The following U2SURP variants were observed in gnomAD, a reference collection of about 807,000 sequenced individuals.
The protein encoded by U2SURP is U2 snRNP-associated SURP motif-containing protein.
In U2SURP, 9 loss-of-function variants were observed where a neutral mutation model predicts 144.9. That is an observed-to-expected ratio of 0.06 (90% confidence interval 0.04 to 0.11). U2SURP has a LOEUF of 0.11. Among genes scored for constraint, U2SURP ranks in the 10% least tolerant of loss-of-function variants. The pLI is 1.00. For synonymous variants in U2SURP, 408 were observed against 396.8 expected, an observed-to-expected ratio of 1.03 and a Z score of -0.33; for missense variants, 724 against 1,226.7, an observed-to-expected ratio of 0.59 and a Z score of 6.12.
chr3:143,016,448 G>A, intron 5 of U2SURP, 77 bp downstream of exon 5: 4 of 1,247,034 alleles, frequency 3.2e-6, no homozygotes, highest in Non-Finnish European at 4.6e-6. Context: ...TTGGTTGAAT[G>A]ACTGCAGGTA....
chr3:143,047,886 C>CA (rs1422659129), intron 24 of U2SURP, among the ~76,000 whole-genome samples: 3 of 151,136 alleles, frequency 2.0e-5, no homozygotes, highest in African/African-American at 4.9e-5. Context: ...GGGCTGACCC[C>CA]CCCCAACCTC....
At chr3:143,054,522 A>G (rs1935049469) in intron 26 of U2SURP, among the ~76,000 whole-genome samples, 1 of 152,158 alleles carries the variant, frequency 6.6e-6, no homozygotes, top group Non-Finnish European at 1.5e-5. Flanking sequence ...GTTACCCTTC[A>G]CCCACATTAC....
At chr3:143,014,118 CT>C (rs762343490) in intron 3 of U2SURP, among the ~76,000 whole-genome samples, 192 bp from the exon 4 acceptor site, 8 of 151,046 alleles carry the variant, frequency 5.3e-5, no homozygotes, top group Non-Finnish European at 1.2e-4. Context: ...TGAAGACATT[CT>C]TTGATGAATA....
Position 143,057,481 on chromosome 3 carries a change from T to A in U2SURP, c.*1031T>A, listed in dbSNP as rs977681012. On this transcript the variant is annotated 3_prime_UTR_variant, in exon 28 of 28. Transcript: ENST00000473835. ...ATAAAATGTTTTTCAGGAAACTTCGTATCTAATGGTTTGTAAATTCAAGGT... is the reference window on the plus strand; with the variant it reads ...ATAAAATGTTTTTCAGGAAACTTCGAATCTAATGGTTTGTAAATTCAAGGT... 6.6e-6 allele frequency: 1 copy of A among 152,298 alleles called. No individual in the cohort carries two copies. The highest frequency in any genetic ancestry group is 1.5e-5 in the Non-Finnish European group (1 of 67,860). The allele number at this position is 152,298 out of a possible 1,614,324, so 9.4% of individuals were successfully genotyped here. A position where few individuals can be genotyped will look rare whatever the true frequency, so the allele number is the denominator to read the frequency against.
intron 23 of U2SURP, among the ~76,000 whole-genome samples, chr3:143,041,611 A>G (rs1401501465): frequency 1.3e-5 from 2 of 152,016 alleles, no homozygotes; most frequent in Non-Finnish European, 2.9e-5. Flanking sequence ...CTTTCTTTTT[A>G]TCTGCCTGGT....
chr3:143,016,387 A>G lies in U2SURP; in HGVS notation c.436+16A>G, dbSNP rs368247052. 2.6e-5 allele frequency: 41 copies of G among 1,597,618 alleles called. No individual in the cohort carries two copies. The highest frequency in any genetic ancestry group is 3.4e-5 in the Non-Finnish European group (40 of 1,166,516). The stretch of plus-strand genomic sequence containing the variant: ...GCAGCTAAAGGTAAGTTTATAAAGT[A>G]TAACTGCTAATAAAGCATAACTGTA... On this transcript the variant is annotated intron_variant, in intron 5 of 27. Transcript: ENST00000473835.
chr3:143,024,918 C>A (rs1933041625), intron 13 of U2SURP, among the ~76,000 whole-genome samples: 1 of 151,192 alleles, frequency 6.6e-6, no homozygotes, highest in African/African-American at 2.4e-5. Flanking sequence ...TTATTGTTGC[C>A]CAGAATAAGA....
In U2SURP at chr3:143,059,697, CTG is replaced by C. The variant is rs1935298678; in HGVS notation, c.*3249_*3250del. On this transcript the variant is annotated 3_prime_UTR_variant, in exon 28 of 28. Transcript: ENST00000473835. ...AATAAATAGTACCACTTTTCTAAGA[CTG>C]TACAGTTTACAAATAAGGTTTTTTT... 1 of 151,854 alleles carries C rather than the reference CTG, an allele frequency of 6.6e-6. No individual in the cohort carries two copies. The highest frequency in any genetic ancestry group is 2.1e-4 in the South Asian group (1 of 4,828). 9.4% of individuals were successfully genotyped at this position (151,854 alleles called of 1,614,324 possible). A position where few individuals can be genotyped will look rare whatever the true frequency, so the allele number is the denominator to read the frequency against.
At chr3:143,042,826 G>T (rs1425245465) in intron 23 of U2SURP, among the ~76,000 whole-genome samples, 1 of 152,150 alleles carries the variant, frequency 6.6e-6, no homozygotes, top group Non-Finnish European at 1.5e-5. Flanking sequence ...CTGCTGCAAG[G>T]AAAGTTTGTT....
intron 23 of U2SURP, among the ~76,000 whole-genome samples, chr3:143,042,166 G>C (rs984118070): frequency 8.5e-5 from 13 of 152,068 alleles, no homozygotes; most frequent in Non-Finnish European, 1.9e-4. Flanking sequence ...TGTATCCTAA[G>C]TGACTTACTC....
chr3:143,020,332 T>G (rs1232892736), intron 7 of U2SURP, among the ~76,000 whole-genome samples: 1 of 152,172 alleles, frequency 6.6e-6, no homozygotes, highest in Non-Finnish European at 1.5e-5. Context: ...GCAGTTAGAC[T>G]TAGCAAGAAA....
In U2SURP at chr3:143,001,606, C is replaced by T; in HGVS notation, c.-23C>T. On this transcript the variant is annotated 5_prime_UTR_variant, in exon 1 of 28. Transcript: ENST00000473835. ...CGACTCGCCCGTGCTGCTGCCGCCGCCGAAGGAGGGGCAAAGCTCAAGATG... is the reference window on the plus strand; with the variant it reads ...CGACTCGCCCGTGCTGCTGCCGCCGTCGAAGGAGGGGCAAAGCTCAAGATG... 2 of 1,613,766 alleles carry T rather than the reference C, an allele frequency of 1.2e-6. No individual in the cohort carries two copies. Among genetic ancestry groups the T allele is most frequent in the Non-Finnish European group, 1.7e-6 (2 of 1,179,828 alleles).
intron 5 of U2SURP, among the ~76,000 whole-genome samples, 194 bp from the exon 6 acceptor site, chr3:143,016,648 A>G (rs757149730): frequency 1.3e-5 from 2 of 152,154 alleles, no homozygotes; most frequent in Non-Finnish European, 2.9e-5. Context: ...ACAAATTTTA[A>G]TATGTGTCAT....
At chr3:143,012,509 ACT>A (rs1024566083) in intron 3 of U2SURP, 156 bp downstream of exon 3, 2 of 623,634 alleles carry the variant, frequency 3.2e-6, no homozygotes, top group African/African-American at 3.8e-5. Flanking sequence ...ATAACAGTAA[ACT>A]CATTTATGTA....
At chr3:143,023,512 AG>A (rs1260287709) in intron 12 of U2SURP, 1 of 166,660 alleles carries the variant, frequency 6.0e-6, no homozygotes, top group Non-Finnish European at 1.3e-5. Flanking sequence ...GTAAAAGCAA[AG>A]GGTGAGTATT....
Position 143,043,286 on chromosome 3 carries a change from G to C in U2SURP, c.2544+10G>C, listed in dbSNP as rs1292203566. The C allele has an allele frequency of 6.3e-7, 1 of 1,585,650 alleles. No individual in the cohort carries two copies. Among genetic ancestry groups the C allele is most frequent in the Non-Finnish European group, 8.6e-7 (1 of 1,166,202 alleles). Reference sequence around the variant, plus strand: ...ACTTCGTGAAATTGAGGTTGGTGTTGCAGTGAAACTTAAATTACACTTTAT... The same window carrying C: ...ACTTCGTGAAATTGAGGTTGGTGTTCCAGTGAAACTTAAATTACACTTTAT... On this transcript the variant is annotated intron_variant, in intron 24 of 27. Transcript: ENST00000473835.
intron 24 of U2SURP, among the ~76,000 whole-genome samples, chr3:143,043,721 A>G (rs1248627629): frequency 3.4e-3 from 158 of 45,846 alleles, no homozygotes; most frequent in African/African-American, 0.03. Context: ...TTATATGTAT[A>G]TATATATATA....
intron 18 of U2SURP, chr3:143,034,605 G>T (rs530309025): frequency 1.9e-4 from 37 of 197,320 alleles, no homozygotes; most frequent in African/African-American, 6.0e-4. Context: ...ATAAAATAAA[G>T]AAATTGGACG....
intron 24 of U2SURP, 105 bp downstream of exon 24, chr3:143,043,381 T>G: frequency 2.4e-6 from 3 of 1,231,100 alleles, no homozygotes; most frequent in Non-Finnish European, 2.2e-6. Flanking sequence ...CTGTTCCTTC[T>G]CTCTGCTTAG....
Sources: gnomAD v4.1 joint callset for allele counts (sites outside exome capture counted in the v4.1 genomes callset) on GRCh38, gnomAD v4.1.1 for gene constraint, MANE v1.5 for transcripts, NCBI Gene and HGNC (gene_info 2026-07-23, HGNC 2026-07-21) for gene names.